PTP4A2: variants seen among roughly 807,000 people sequenced by gnomAD.
The protein encoded by PTP4A2 is protein tyrosine phosphatase type IVA 2.
In PTP4A2, 2 loss-of-function variants were observed where a neutral mutation model predicts 22.9. The ratio of observed to expected loss-of-function variants is 0.09; its 90% confidence interval spans 0.04 to 0.27. PTP4A2 has a LOEUF of 0.27. Ranked by LOEUF, PTP4A2 falls within the 10% of genes least tolerant of loss-of-function variation. PTP4A2 has a pLI of 1.00. For missense variants in PTP4A2, 103 were observed against 205.1 expected, an observed-to-expected ratio of 0.50 and a Z score of 3.04; for synonymous variants, 68 against 69.1, an observed-to-expected ratio of 0.98 and a Z score of 0.08.
chr1:31,909,934 A>G, intron 5 of PTP4A2, 104 bp downstream of exon 5: 21 of 1,058,174 alleles, frequency 2.0e-5, no homozygotes, highest in Non-Finnish European at 2.9e-5. Flanking sequence ...TCAAGCCAAA[A>G]AAAGCAAATT....
At chr1:31,918,695 C>G (rs1651985886) in intron 2 of PTP4A2, among the ~76,000 whole-genome samples, 1 of 152,096 alleles carries the variant, frequency 6.6e-6, no homozygotes, top group African/African-American at 2.4e-5. Flanking sequence ...ATATCGTGGT[C>G]AATAAATGTT....
At chr1:31,931,679 T>C (rs986385251) in intron 1 of PTP4A2, among the ~76,000 whole-genome samples, 1 of 152,182 alleles carries the variant, frequency 6.6e-6, no homozygotes, top group Non-Finnish European at 1.5e-5. Flanking sequence ...CTGTGACTTA[T>C]ATTTAAAGTA....
At chr1:31,937,250 C>T (rs1652975425) in intron 1 of PTP4A2, among the ~76,000 whole-genome samples, 1 of 152,102 alleles carries the variant, frequency 6.6e-6, no homozygotes, top group Non-Finnish European at 1.5e-5. Flanking sequence ...CAAAAAAACA[C>T]ATCACATCCT....
chr1:31,913,382 G>A (rs190468305), intron 3 of PTP4A2, among the ~76,000 whole-genome samples: 115 of 150,434 alleles, frequency 7.6e-4, no homozygotes, highest in African/African-American at 2.7e-3. Context: ...TTATTTATTT[G>A]TTTGTTTGTT....
intron 3 of PTP4A2, chr1:31,914,420 A>G: frequency 2.7e-6 from 1 of 372,642 alleles, no homozygotes; most frequent in South Asian, 2.0e-5. Flanking sequence ...TTTCACCAAA[A>G]TGGACATGAG....
intron 3 of PTP4A2, 32 bp downstream of exon 3, chr1:31,915,863 T>C (rs746629346): frequency 1.5e-5 from 21 of 1,397,368 alleles, no homozygotes; most frequent in Non-Finnish European, 2.1e-5. Flanking sequence ...AGATACAACT[T>C]GTTTTGAAAA....
chr1:31,918,386 ACC>A (rs752771933), intron 2 of PTP4A2, among the ~76,000 whole-genome samples: 51 of 152,340 alleles, frequency 3.3e-4, no homozygotes, highest in Middle Eastern at 3.4e-3. Context: ...AAGTTTCTGG[ACC>A]CTTGTATACG....
intron 1 of PTP4A2, among the ~76,000 whole-genome samples, chr1:31,930,337 C>CA (rs974529287): frequency 4.7e-4 from 69 of 146,784 alleles, no homozygotes; most frequent in African/African-American, 1.0e-3. Context: ...GACTCCATCT[C>CA]AAAAAAAAAA....
In PTP4A2 at chr1:31,926,148, AAAT is replaced by A. The variant is rs904827129; in HGVS notation, c.-593-6493_-593-6491del. On this transcript the variant is annotated intron_variant, in intron 1 of 5. Transcript: ENST00000647444. ...GTTTCAAAAAATTAAAAAAAAAAAA[AAAT>A]ATATATATATATATATATTTATCTC... 3.6e-5 allele frequency among the ~76,000 whole-genome samples: 5 copies of A among 138,400 alleles called. No homozygotes were observed. The East Asian group carries it at 6.3e-4, about 17-fold the overall frequency. The allele number at this position is 138,400 out of a possible 152,430, so 90.8% of individuals were successfully genotyped here.
chr1:31,910,799 T>C (rs941119226), intron 4 of PTP4A2: 36 of 152,256 alleles, frequency 2.4e-4, no homozygotes, highest in African/African-American at 8.7e-4. Flanking sequence ...CCAATTGATT[T>C]TAATATTTCC....
chr1:31,918,342 T>C (rs946685788), intron 2 of PTP4A2, among the ~76,000 whole-genome samples: 2 of 152,122 alleles, frequency 1.3e-5, no homozygotes, highest in Non-Finnish European at 2.9e-5. Context: ...GGATCTGACA[T>C]AAAAATACTA....
At chr1:31,925,219 A>T (rs1296150603) in intron 1 of PTP4A2, among the ~76,000 whole-genome samples, 1 of 152,192 alleles carries the variant, frequency 6.6e-6, no homozygotes, top group Non-Finnish European at 1.5e-5. Flanking sequence ...TCCCATGTAC[A>T]TATGGTATTA....
Position 31,919,131 on chromosome 1 carries a change from T to A in PTP4A2, c.-66A>T. The A allele has an allele frequency of 1.2e-6, 1 of 802,124 alleles. No individual in the cohort carries two copies. The highest frequency in any genetic ancestry group is 2.1e-6 in the Non-Finnish European group (1 of 474,002). The allele number at this position is 802,124 out of a possible 1,614,324, so 49.7% of individuals were successfully genotyped here. A position where few individuals can be genotyped will look rare whatever the true frequency, so the allele number is the denominator to read the frequency against. On this transcript the variant is annotated 5_prime_UTR_variant, in exon 2 of 6. Transcript: ENST00000647444. ...GGGGAAAGTGAAAAAAAAAAATCAA[T>A]AAATCTTGAAATGTTTCACAGCAGA... is the stretch of plus-strand genomic sequence containing the variant.
Position 31,910,067 on chromosome 1 carries a change from C to T in PTP4A2, c.366G>A (p.Lys122=). The T allele has an allele frequency of 6.2e-7, 1 of 1,613,606 alleles. No individual in the cohort carries two copies. The highest frequency in any genetic ancestry group is 8.5e-7 in the Non-Finnish European group (1 of 1,179,876). The change falls in exon 5 of 6, where the codon AAG becomes AAA. Residue 122 remains lysine, a synonymous_variant. Coordinates refer to ENST00000647444, the MANE Select transcript of PTP4A2 (RefSeq NM_080391.4). The part of the protein sequence containing the change: ...VALALIECGM[K]YEDAVQFIRQ... ...TTATAAACTGAACTGCATCTTCGTA[C>T]TTCATTCCACATTCAATCAAAGCAA...
chr1:31,918,824 A>C lies in PTP4A2; in HGVS notation c.96+146T>G, dbSNP rs1651993164. On this transcript the variant is annotated intron_variant, in intron 2 of 5. Coordinates refer to ENST00000647444, the MANE Select transcript of PTP4A2 (RefSeq NM_080391.4). ...AATTTCACAAAATGTTCTTGAAAAAATCTGCTGTAACTAACCCAACCCAAT... is the reference window on the plus strand; with the variant it reads ...AATTTCACAAAATGTTCTTGAAAAACTCTGCTGTAACTAACCCAACCCAAT... The C allele has an allele frequency of 3.0e-5, 16 of 534,362 alleles. No homozygotes were observed. In the South Asian group the frequency reaches 3.6e-4, roughly 12 times the overall value. 33.1% of individuals were successfully genotyped at this position (534,362 alleles called of 1,614,324 possible). A position where few individuals can be genotyped will look rare whatever the true frequency, so the allele number is the denominator to read the frequency against.
At chr1:31,922,406 C>T (rs1196404024) in intron 1 of PTP4A2, among the ~76,000 whole-genome samples, 1 of 152,166 alleles carries the variant, frequency 6.6e-6, no homozygotes, top group Non-Finnish European at 1.5e-5. Flanking sequence ...TTGCTTGAAC[C>T]TGGGAGACAG....
chr1:31,917,947 C>CAA (rs56791050), intron 2 of PTP4A2, among the ~76,000 whole-genome samples: 17 of 81,386 alleles, frequency 2.1e-4, no homozygotes, highest in Admixed American at 3.8e-4. Context: ...CACTCCGTCT[C>CAA]AAAAAAAAAA....
Position 31,908,959 on chromosome 1 carries a change from T to G in PTP4A2, c.397A>C (p.Lys133Gln). ...TTGGAATTGAACGCTCCCCTTCTTTTTCTGAAAATACAAGAATGGCAAACT... is the reference window on the plus strand; with the variant it reads ...TTGGAATTGAACGCTCCCCTTCTTTGTCTGAAAATACAAGAATGGCAAACT... ...YEDAVQFIRQ[K>Q]RRGAFNSKQL... The change falls in exon 6 of 6, where the codon AAA (lysine) becomes CAA (glutamine). Residue 133 changes from lysine (K) to glutamine (Q), a missense_variant and splice_region_variant. By Grantham distance (53) the Lys-to-Gln change is moderately conservative. This residue lies in a region of PTP4A2 where 35 missense variants were observed against 64.5 expected (regional missense o/e 0.54). Coordinates refer to ENST00000647444, the MANE Select transcript of PTP4A2 (RefSeq NM_080391.4). 1 of 1,608,920 alleles carries G rather than the reference T, an allele frequency of 6.2e-7. No individual in the cohort carries two copies.
At chr1:31,912,802 A>G (rs565437169) in intron 3 of PTP4A2, among the ~76,000 whole-genome samples, 1 of 152,366 alleles carries the variant, frequency 6.6e-6, no homozygotes, top group Admixed American at 6.5e-5. Flanking sequence ...GAAAAAGAGA[A>G]AAGTGACAGA....
Sources: allele counts gnomAD v4.1 joint callset (sites outside exome capture counted in the v4.1 genomes callset), GRCh38; gene constraint gnomAD v4.1.1; regional missense constraint gnomAD v4.1.1; transcripts MANE v1.5; gene names NCBI Gene and HGNC (gene_info 2026-07-23, HGNC 2026-07-21).